CDH18: variants seen among roughly 807,000 people sequenced by gnomAD.
CDH18 encodes the protein cadherin-18.
CDH18 carries 31 observed loss-of-function variants against 67.9 expected under a neutral mutation model. The observed-to-expected ratio is 0.46, with a 90% CI of 0.34 to 0.62. The LOEUF (loss-of-function observed/expected upper bound fraction) is 0.62, where lower values mean the gene tolerates loss of function less well. CDH18 is among the 20% of genes least tolerant of loss of function. The pLI is 0.01. For missense variants in CDH18, 890 were observed against 975.5 expected, an observed-to-expected ratio of 0.91 and a Z score of 1.17; for synonymous variants, 362 against 347.2, an observed-to-expected ratio of 1.04 and a Z score of -0.48.
intron 5 of CDH18, among the ~76,000 whole-genome samples, chr5:19,703,914 G>T (rs956686836): frequency 3.3e-5 from 5 of 152,106 alleles, no homozygotes; most frequent in Non-Finnish European, 7.3e-5. Context: ...ATTACTTCTA[G>T]GTAGATCTAG....
chr5:20,246,245 T>C (rs993300792), intron 2 of CDH18, among the ~76,000 whole-genome samples: 2 of 152,206 alleles, frequency 1.3e-5, no homozygotes, highest in Admixed American at 1.3e-4. Context: ...AACCACCTTA[T>C]AAAAATCCTC....
intron 1 of CDH18, among the ~76,000 whole-genome samples, chr5:20,553,121 A>G (rs1757728673): frequency 1.3e-5 from 2 of 152,130 alleles, no homozygotes; most frequent in Admixed American, 1.3e-4. Flanking sequence ...AATTGTTAAT[A>G]TATTTTTATT....
At chr5:19,795,044 C>T (rs1414498055) in intron 3 of CDH18, among the ~76,000 whole-genome samples, 2 of 152,010 alleles carry the variant, frequency 1.3e-5, no homozygotes, top group East Asian at 3.9e-4. Flanking sequence ...AACCTGACAG[C>T]AAAAGGCAGC....
At chr5:20,060,534 C>A (rs898189928) in intron 2 of CDH18, among the ~76,000 whole-genome samples, 4 of 151,982 alleles carry the variant, frequency 2.6e-5, no homozygotes. Flanking sequence ...TTTAGTTACA[C>A]AAATCTACTT....
chr5:19,604,766 A>G (rs1194365702), intron 6 of CDH18, among the ~76,000 whole-genome samples: 2 of 152,066 alleles, frequency 1.3e-5, no homozygotes, highest in Non-Finnish European at 2.9e-5. Context: ...TCTAAGAAAT[A>G]TCTTTAAAAT....
chr5:20,393,714 G>T (rs13155965), intron 1 of CDH18, among the ~76,000 whole-genome samples: 66,264 of 151,718 alleles, frequency 0.44, 16,781 homozygotes, highest in Middle Eastern at 0.67. Context: ...CAGTAGCATT[G>T]CTATACACCA....
intron 9 of CDH18, among the ~76,000 whole-genome samples, chr5:19,537,890 T>C (rs1208258112): frequency 6.6e-6 from 1 of 152,122 alleles, no homozygotes; most frequent in Non-Finnish European, 1.5e-5. Context: ...AAGATAAAGA[T>C]TATAAAGTAC....
At chr5:20,018,961 AT>A (rs1038180414) in intron 2 of CDH18, among the ~76,000 whole-genome samples, 5 of 149,086 alleles carry the variant, frequency 3.4e-5, no homozygotes, top group African/African-American at 1.2e-4. Flanking sequence ...TGCCCGGCTA[AT>A]TTTTTTTTGT....
At chr5:20,319,567 A>G (rs1408525828) in intron 1 of CDH18, among the ~76,000 whole-genome samples, 2 of 152,070 alleles carry the variant, frequency 1.3e-5, no homozygotes, top group Admixed American at 6.5e-5. Flanking sequence ...TATTTGTTTC[A>G]GATAAATTGC....
chr5:20,451,631 G>A (rs1217252144), intron 1 of CDH18, among the ~76,000 whole-genome samples: 4 of 152,090 alleles, frequency 2.6e-5, no homozygotes. Flanking sequence ...CAAGAATATG[G>A]TCTAAAAATG....
intron 2 of CDH18, among the ~76,000 whole-genome samples, chr5:19,890,254 C>G (rs1308983366): frequency 6.6e-6 from 1 of 152,112 alleles, no homozygotes; most frequent in African/African-American, 2.4e-5. Context: ...ACTCCACCTT[C>G]CTGGACTGTC....
chr5:19,843,200 C>T (rs1003878011), intron 2 of CDH18, among the ~76,000 whole-genome samples: 7 of 152,138 alleles, frequency 4.6e-5, no homozygotes, highest in Non-Finnish European at 8.8e-5. Flanking sequence ...CCATCTAAGG[C>T]CCAGAGTCCT....
At chr5:20,389,316 T>A (rs1214566359) in intron 1 of CDH18, among the ~76,000 whole-genome samples, 1 of 152,206 alleles carries the variant, frequency 6.6e-6, no homozygotes, top group Admixed American at 6.5e-5. Context: ...ATGGCCTTCT[T>A]TGTCTCTTTT....
intron 1 of CDH18, among the ~76,000 whole-genome samples, chr5:20,561,783 T>C (rs1179147064): frequency 6.6e-6 from 1 of 151,900 alleles, no homozygotes; most frequent in Non-Finnish European, 1.5e-5. Context: ...ATAAAAATGG[T>C]TTTCTAAGTT....
chr5:19,860,702 C>A (rs1266862963), intron 2 of CDH18, among the ~76,000 whole-genome samples: 3 of 151,624 alleles, frequency 2.0e-5, no homozygotes, highest in Non-Finnish European at 4.4e-5. Context: ...CTTAAACATC[C>A]CACTATAATT....
At chr5:20,004,047 G>C (rs528377341) in intron 2 of CDH18, among the ~76,000 whole-genome samples, 7 of 152,300 alleles carry the variant, frequency 4.6e-5, no homozygotes, top group African/African-American at 1.4e-4. Context: ...TCATGTTACA[G>C]TGATACGTGT....
chr5:19,757,336 G>C (rs1771741346), intron 3 of CDH18, among the ~76,000 whole-genome samples: 1 of 152,184 alleles, frequency 6.6e-6, no homozygotes, highest in Admixed American at 6.5e-5. Context: ...TCATCAGGTA[G>C]CTGGCTGATC....
chr5:20,208,586 C>T (rs1225882049), intron 2 of CDH18, among the ~76,000 whole-genome samples: 7 of 152,068 alleles, frequency 4.6e-5, no homozygotes, highest in Non-Finnish European at 8.8e-5. Flanking sequence ...TATTTAAAGA[C>T]TTAAACCTAC....
chr5:20,488,897 A>C (rs1397110701), intron 1 of CDH18, among the ~76,000 whole-genome samples: 1 of 152,010 alleles, frequency 6.6e-6, no homozygotes, highest in Non-Finnish European at 1.5e-5. Flanking sequence ...CTGCGGTTTT[A>C]ATTTTCATAT....
Sources: gnomAD v4.1 joint callset for allele counts (sites outside exome capture counted in the v4.1 genomes callset) on GRCh38, gnomAD v4.1.1 for gene constraint, MANE v1.5 for transcripts, NCBI Gene and HGNC (gene_info 2026-07-23, HGNC 2026-07-21) for gene names.